The following ACSBG1 variants were observed in gnomAD, a reference collection of about 807,000 sequenced individuals.
The protein encoded by ACSBG1 is acyl-CoA synthetase bubblegum family member 1, also known as long-chain-fatty-acid--CoA ligase ACSBG1.
A neutral mutation model predicts 80.2 loss-of-function variants in ACSBG1; 39 were observed. The observed-to-expected ratio is 0.49, with a 90% CI of 0.38 to 0.64. The LOEUF (loss-of-function observed/expected upper bound fraction) is 0.64, where lower values mean the gene tolerates loss of function less well. ACSBG1 is among the 30% of genes least tolerant of loss of function. The pLI is 0.00. For synonymous variants in ACSBG1, 392 were observed against 379.5 expected (o/e 1.03, Z -0.38); for missense variants, 828 against 966.4 (o/e 0.86, Z 1.90).
intron 1 of ACSBG1, among the ~76,000 whole-genome samples, chr15:78,210,460 C>T (rs1345361598): frequency 6.6e-6 from 1 of 152,220 alleles, no homozygotes; most frequent in Non-Finnish European, 1.5e-5. Context: ...CCTGCTCACA[C>T]AGAGTTATAA....
At chr15:78,231,683 G>C (rs1448024515) in intron 1 of ACSBG1, among the ~76,000 whole-genome samples, 1 of 152,040 alleles carries the variant, frequency 6.6e-6, no homozygotes, top group Non-Finnish European at 1.5e-5. Flanking sequence ...CACACTCCTG[G>C]GCTCAAGCGA....
chr15:78,199,959 T>A (rs1280868875), intron 2 of ACSBG1, among the ~76,000 whole-genome samples: 2 of 152,144 alleles, frequency 1.3e-5, no homozygotes, highest in African/African-American at 2.4e-5. Flanking sequence ...TCCGCCACTC[T>A]CCACTGAAGG....
chr15:78,233,586 A>C (rs1351815343), intron 1 of ACSBG1, among the ~76,000 whole-genome samples: 4 of 152,164 alleles, frequency 2.6e-5, no homozygotes, highest in Non-Finnish European at 5.9e-5. Context: ...TCTGACCGTC[A>C]AGGTCCATCT....
rs779018573 is a variant in ACSBG1 at position 78,173,698 on chromosome 15, C to T, written c.1984G>A (p.Glu662Lys). ...ATGTTGACCCTCCGGATCCCCTCTT[C>T]GATGGCCTGGTACACGGCCTCATCC... The part of the protein sequence containing the change: ...KKDEAVYQAI[E>K]EGIRRVNMNA... The change falls in exon 13 of 14, where the codon GAA becomes AAA. Residue 662 changes from glutamate (E) to lysine (K), a missense_variant. Transcript: ENST00000258873. 13 of 1,614,216 alleles carry T rather than the reference C, an allele frequency of 8.1e-6. No individual in the cohort carries two copies. The East Asian group carries it at 8.9e-5, about 11-fold the overall frequency.
chr15:78,219,406 C>CAAAAA (rs34636353), intron 1 of ACSBG1, among the ~76,000 whole-genome samples: 1 of 119,708 alleles, frequency 8.4e-6, no homozygotes. Context: ...GGCTTTGTCT[C>CAAAAA]AAAAAAAAAA....
intron 4 of ACSBG1, 137 bp from the exon 5 acceptor site, chr15:78,193,763 C>A: frequency 6.9e-7 from 1 of 1,444,066 alleles, no homozygotes; most frequent in Non-Finnish European, 9.3e-7. Flanking sequence ...CACCTGAGCA[C>A]CTCCTCCCCT....
At chr15:78,207,928 AC>A in intron 2 of ACSBG1, 73 bp downstream of exon 2, 2 of 383,780 alleles carry the variant, frequency 5.2e-6, no homozygotes, top group Non-Finnish European at 1.0e-5. Context: ...CCCCCACACC[AC>A]CCACCCCTCC....
rs1227981708 is a variant in ACSBG1, at chr15:78,194,487, C to T, written c.453+19G>A. ...ACATCTGGGGAGGGGCAAGGCCTTG[C>T]CATGAGGGGCCCCCTTACCTTCAGG... On this transcript the variant is annotated intron_variant, in intron 3 of 13. Transcript: ENST00000258873. 2 of 1,612,848 alleles carry T rather than the reference C, an allele frequency of 1.2e-6. No homozygotes were observed. Among genetic ancestry groups the T allele is most frequent in the African/African-American group, 1.3e-5 (1 of 74,908 alleles).
In ACSBG1 at chr15:78,171,357, G is replaced by A; in HGVS notation, c.*87C>T. The A allele has an allele frequency of 8.9e-7, 1 of 1,122,478 alleles. No homozygotes were observed. The highest frequency in any genetic ancestry group is 1.4e-5 in the South Asian group (1 of 72,922). 69.5% of individuals were successfully genotyped at this position (1,122,478 alleles called of 1,614,324 possible). ...TCTAACAGACTTGGCAGAAATGCCT[G>A]TGCCCAGACTGAAGAGACCTGGGGC... On this transcript the variant is annotated 3_prime_UTR_variant, in exon 14 of 14. Coordinates refer to ENST00000258873, the MANE Select transcript of ACSBG1 (RefSeq NM_015162.5).
chr15:78,173,448 C>G lies in ACSBG1; in HGVS notation c.2089+145G>C, dbSNP rs894701623. On this transcript the variant is annotated intron_variant, in intron 13 of 13. Transcript: ENST00000258873. ...CCATGCATGGAGCCATCAATGTCCTCTAACAGGAAGTAGATGGGTGTCACC... is the reference window on the plus strand; with the variant it reads ...CCATGCATGGAGCCATCAATGTCCTGTAACAGGAAGTAGATGGGTGTCACC... 3.8e-5 allele frequency: 41 copies of G among 1,086,506 alleles called. No individual in the cohort carries two copies. In the African/African-American group the frequency reaches 5.2e-4, roughly 14 times the overall value. 67.3% of individuals were successfully genotyped at this position (1,086,506 alleles called of 1,614,324 possible).
intron 3 of ACSBG1, 126 bp downstream of exon 3, chr15:78,194,380 C>T: frequency 1.1e-6 from 1 of 882,154 alleles, no homozygotes; most frequent in Admixed American, 2.6e-5. Context: ...CGCACAATGA[C>T]AGCTTTTACA....
At chr15:78,201,717 T>G (rs1040654607) in intron 2 of ACSBG1, among the ~76,000 whole-genome samples, 1 of 152,198 alleles carries the variant, frequency 6.6e-6, no homozygotes, top group Non-Finnish European at 1.5e-5. Context: ...TCCCTCTCTA[T>G]AGAAGAAGAA....
chr15:78,181,642 T>C (rs540882790), intron 8 of ACSBG1, among the ~76,000 whole-genome samples: 2 of 152,014 alleles, frequency 1.3e-5, no homozygotes, highest in Admixed American at 6.6e-5. Flanking sequence ...TACAGGCACC[T>C]GCCACCACTC....
At chr15:78,209,748 G>A (rs956140932) in intron 1 of ACSBG1, among the ~76,000 whole-genome samples, 7 of 152,256 alleles carry the variant, frequency 4.6e-5, no homozygotes, top group African/African-American at 1.4e-4. Flanking sequence ...CTCAGAGGAC[G>A]GTGGACAGCA....
rs1161921783 is a variant in ACSBG1 at position 78,177,011 on chromosome 15, G to A, written c.1702+1603C>T. Among the ~76,000 whole-genome samples, 1 of 152,158 alleles carries A rather than the reference G, an allele frequency of 6.6e-6. No individual in the cohort carries two copies. Among genetic ancestry groups the A allele is most frequent in the Non-Finnish European group, 1.5e-5 (1 of 68,026 alleles). On this transcript the variant is annotated intron_variant, in intron 11 of 13. Coordinates refer to ENST00000258873, the MANE Select transcript of ACSBG1 (RefSeq NM_015162.5). The surrounding 1 kb of genome is among the most constrained non-coding windows in gnomAD (Gnocchi z 4.1). ...TTAAAAAGACCTAAGTAAATGGAGAGATTTATCATATTTGTGAATTGGAAG... is the reference window on the plus strand; with the variant it reads ...TTAAAAAGACCTAAGTAAATGGAGAAATTTATCATATTTGTGAATTGGAAG...
At chr15:78,230,815 A>T (rs1032379591) in intron 1 of ACSBG1, among the ~76,000 whole-genome samples, 9 of 151,814 alleles carry the variant, frequency 5.9e-5, no homozygotes, top group Non-Finnish European at 1.2e-4. Context: ...TAAGTCCAAT[A>T]AACTTCTTTC....
Position 78,179,788 on chromosome 15 carries a change from G to C in ACSBG1, c.1254-8C>G. On this transcript the variant is annotated splice_polypyrimidine_tract_variant and splice_region_variant and intron_variant, in intron 9 of 13. Transcript: ENST00000258873. Reference sequence around the variant, plus strand: ...GTGAAGGGCTTCAGGTCGCTGGTGGGAGAGGGAGAATGGTTCACAGAAGAA... The same window carrying C: ...GTGAAGGGCTTCAGGTCGCTGGTGGCAGAGGGAGAATGGTTCACAGAAGAA... 6.2e-7 allele frequency: 1 copy of C among 1,606,298 alleles called. No individual in the cohort carries two copies. Among genetic ancestry groups the C allele is most frequent in the Non-Finnish European group, 8.5e-7 (1 of 1,174,980 alleles).
intron 12 of ACSBG1, 55 bp from the exon 13 acceptor site, chr15:78,173,894 C>G: frequency 6.3e-7 from 1 of 1,577,888 alleles, no homozygotes; most frequent in Non-Finnish European, 8.6e-7. Context: ...GACGTAAGCC[C>G]TGGTCCTGGA....
intron 2 of ACSBG1, 85 bp downstream of exon 2, chr15:78,207,917 T>TCCCCCCCACCCCCCCCCCCCC: frequency 1.1e-6 from 1 of 876,066 alleles, no homozygotes. Flanking sequence ...TGTGTGGTGG[T>TCCCCCCCACCCCCCCCCCCCC]CCCCCACACC....
Sources: gnomAD v4.1 joint callset for allele counts (sites outside exome capture counted in the v4.1 genomes callset) on GRCh38, gnomAD v4.1.1 for gene constraint, Gnocchi (gnomAD v3.1) non-coding constraint, MANE v1.5 for transcripts, NCBI Gene and HGNC (gene_info 2026-07-23, HGNC 2026-07-21) for gene names.